The following GLIS3 variants were observed in gnomAD, a reference collection of about 807,000 sequenced individuals.
GLIS3 encodes zinc finger protein GLIS3.
In GLIS3, 53 loss-of-function variants were observed where a neutral mutation model predicts 78.6. The ratio of observed to expected loss-of-function variants is 0.67; its 90% CI spans 0.54 to 0.85. GLIS3 has a LOEUF of 0.85. GLIS3 is among the 40% of genes least tolerant of loss of function. The probability of loss-of-function intolerance (pLI) is 0.00; values close to 1 mark genes in which losing one functional copy is unlikely to be tolerated. For synonymous variants in GLIS3, 684 were observed against 509.9 expected (o/e 1.34, Z -4.60); for missense variants, 1,703 against 1,231.1 (o/e 1.38, Z -5.74).
chr9:3,971,475 T>G (rs1050018304), intron 4 of GLIS3, among the ~76,000 whole-genome samples: 1 of 152,020 alleles, frequency 6.6e-6, no homozygotes, highest in African/African-American at 2.4e-5. Flanking sequence ...AAATAAGCCA[T>G]TGGGGGAAAC....
intron 6 of GLIS3, among the ~76,000 whole-genome samples, chr9:3,910,567 T>A (rs1476460347): frequency 6.6e-6 from 1 of 152,180 alleles, no homozygotes; most frequent in African/African-American, 2.4e-5. Flanking sequence ...CTCAGGCTAG[T>A]CTCAAATTCC....
intron 4 of GLIS3, among the ~76,000 whole-genome samples, chr9:4,029,302 C>A (rs530749721): frequency 6.6e-6 from 1 of 151,662 alleles, no homozygotes; most frequent in African/African-American, 2.4e-5. Context: ...AAAATGTGTG[C>A]TCCCCATCAT....
intron 4 of GLIS3, among the ~76,000 whole-genome samples, chr9:4,099,838 G>C (rs1486117637): frequency 6.6e-6 from 1 of 152,118 alleles, no homozygotes; most frequent in African/African-American, 2.4e-5. Flanking sequence ...ATTGATAAAA[G>C]ATTTGTTTTC....
chr9:3,892,772 G>A (rs951365428), intron 7 of GLIS3, among the ~76,000 whole-genome samples: 4 of 152,050 alleles, frequency 2.6e-5, no homozygotes, highest in African/African-American at 9.7e-5. Flanking sequence ...CAGAACTTTA[G>A]ACTCAGCAGT....
chr9:4,364,637 T>C, the GLIS3 span, among the ~76,000 whole-genome samples: 2 of 151,456 alleles, frequency 1.3e-5, no homozygotes, highest in Admixed American at 6.6e-5. Flanking sequence ...TGTTAATACT[T>C]TAACAGTGAT....
At chr9:4,042,378 T>G (rs1350652758) in intron 4 of GLIS3, among the ~76,000 whole-genome samples, 1 of 152,200 alleles carries the variant, frequency 6.6e-6, no homozygotes, top group Non-Finnish European at 1.5e-5. Context: ...GCTATCTTCA[T>G]TAAAATGGAT....
chr9:3,967,040 A>AAAAAAAAAAAAAAAAAAAAG (rs1226736845), intron 4 of GLIS3, among the ~76,000 whole-genome samples: 2 of 129,628 alleles, frequency 1.5e-5, no homozygotes. Flanking sequence ...AAAACAAAAA[A>AAAAAAAAAAAAAAAAAAAAG]ACATTTTGAG....
At chr9:4,300,497 G>A (rs1473507838), upstream of GLIS3, among the ~76,000 whole-genome samples, 1 of 152,114 alleles carries the variant, frequency 6.6e-6, no homozygotes, top group Non-Finnish European at 1.5e-5. Context: ...GGATGCACAT[G>A]ACAGCTTCGA....
intron 2 of GLIS3, among the ~76,000 whole-genome samples, chr9:4,212,212 G>A (rs1191587564): frequency 6.6e-6 from 1 of 152,194 alleles, no homozygotes; most frequent in Non-Finnish European, 1.5e-5. Context: ...AAGGGTCATT[G>A]ATCTGCTTTC....
At chr9:4,381,197 G>A in the GLIS3 span, among the ~76,000 whole-genome samples, 1 of 152,166 alleles carries the variant, frequency 6.6e-6, no homozygotes, top group African/African-American at 2.4e-5. Flanking sequence ...GGAAAATTTG[G>A]TGGTGGGGAA....
chr9:4,182,372 G>C (rs1817407577), intron 2 of GLIS3, among the ~76,000 whole-genome samples: 1 of 152,154 alleles, frequency 6.6e-6, no homozygotes, highest in Non-Finnish European at 1.5e-5. Flanking sequence ...TTGCCTGCAT[G>C]GCTTTGAGAA....
chr9:3,933,152 G>C (rs546286160), intron 5 of GLIS3, among the ~76,000 whole-genome samples: 2 of 152,126 alleles, frequency 1.3e-5, no homozygotes, highest in East Asian at 3.9e-4. Context: ...GGAGATGTGA[G>C]GTGTGGTGCT....
chr9:3,844,798 C>T (rs1414002282), intron 9 of GLIS3, among the ~76,000 whole-genome samples: 1 of 152,028 alleles, frequency 6.6e-6, no homozygotes, highest in Non-Finnish European at 1.5e-5. Context: ...TTTAAGTGTT[C>T]AATGAAAATA....
At chr9:3,863,263 C>G (rs1334050881) in intron 8 of GLIS3, among the ~76,000 whole-genome samples, 1 of 152,210 alleles carries the variant, frequency 6.6e-6, no homozygotes, top group Non-Finnish European at 1.5e-5. Flanking sequence ...TTCTGTCTCA[C>G]AAAAGAGACA....
chr9:4,046,722 C>T (rs938625668), intron 4 of GLIS3, among the ~76,000 whole-genome samples: 1 of 152,102 alleles, frequency 6.6e-6, no homozygotes, highest in Admixed American at 6.6e-5. Context: ...AGTTCCTCTA[C>T]CAGGATAATG....
chr9:3,856,875 G>C (rs529104665), intron 8 of GLIS3, among the ~76,000 whole-genome samples: 8 of 152,238 alleles, frequency 5.3e-5, no homozygotes, highest in African/African-American at 1.9e-4. Context: ...GTGGTTTCTG[G>C]GGTGGGGGAC....
intron 4 of GLIS3, among the ~76,000 whole-genome samples, chr9:3,963,759 C>T (rs1286378746): frequency 6.6e-6 from 1 of 151,898 alleles, no homozygotes; most frequent in Non-Finnish European, 1.5e-5. Context: ...TATCGTGAGG[C>T]TGAAGTGGCG....
chr9:4,033,396 C>G (rs73390432), intron 4 of GLIS3, among the ~76,000 whole-genome samples: 1 of 152,070 alleles, frequency 6.6e-6, no homozygotes, highest in African/African-American at 2.4e-5. Flanking sequence ...AGGCTCCAGG[C>G]CATTTGGGTA....
At chr9:4,072,466 A>G (rs1827695971) in intron 4 of GLIS3, among the ~76,000 whole-genome samples, 1 of 152,228 alleles carries the variant, frequency 6.6e-6, no homozygotes, top group Non-Finnish European at 1.5e-5. Context: ...TCTTTAATCT[A>G]TGCATAACAC....
Sources: allele counts gnomAD v4.1 joint callset (sites outside exome capture counted in the v4.1 genomes callset), GRCh38; gene constraint gnomAD v4.1.1; transcripts MANE v1.5; gene names NCBI Gene and HGNC (gene_info 2026-07-23, HGNC 2026-07-21).